Variants in LOC400499 observed in about 807,000 individuals in gnomAD.
chr16:11,519,976 T>G, the LOC400499 span, among the ~76,000 whole-genome samples: 1,179 of 152,236 alleles, frequency 7.7e-3, 25 homozygotes, highest in African/African-American at 0.027. Context: ...GAGCTGGGAT[T>G]ACAGGCATGA....
the LOC400499 span, among the ~76,000 whole-genome samples, chr16:11,450,398 G>A: frequency 3.3e-4 from 50 of 152,258 alleles, no homozygotes; most frequent in African/African-American, 1.1e-3. Flanking sequence ...GAGCAGGGAT[G>A]TGGGAAATCT....
chr16:11,374,962 CCTCAG>C, the LOC400499 span, among the ~76,000 whole-genome samples: 1 of 152,100 alleles, frequency 6.6e-6, no homozygotes. Context: ...GATCCTCATG[CCTCAG>C]CCTCCCAAAT....
the LOC400499 span, among the ~76,000 whole-genome samples, chr16:11,405,794 C>G: frequency 2.0e-5 from 3 of 152,178 alleles, no homozygotes; most frequent in African/African-American, 4.8e-5. Flanking sequence ...GATCTGAAAT[C>G]ATCATTTATT....
chr16:11,515,955 G>A, the LOC400499 span: 5 of 392,776 alleles, frequency 1.3e-5, no homozygotes, highest in Non-Finnish European at 2.2e-5. Context: ...GCCTGAGAAT[G>A]GAGTGATGAG....
the LOC400499 span, chr16:11,402,171 G>A: frequency 7.8e-5 from 31 of 399,114 alleles, no homozygotes; most frequent in Middle Eastern, 6.3e-4. Flanking sequence ...GGGTGGGTGA[G>A]GACACACACA....
the LOC400499 span, among the ~76,000 whole-genome samples, chr16:11,452,201 G>GTTTTTTTTTTT: frequency 3.9e-5 from 3 of 77,186 alleles, no homozygotes; most frequent in Non-Finnish European, 9.3e-5. Context: ...CAGTTTTTTT[G>GTTTTTTTTTTT]TTTGTTTTTT....
the LOC400499 span, among the ~76,000 whole-genome samples, chr16:11,397,887 G>A: frequency 2.6e-5 from 4 of 151,962 alleles, no homozygotes; most frequent in African/African-American, 7.3e-5. Context: ...GCAGATATAC[G>A]GGGATGGATG....
the LOC400499 span, among the ~76,000 whole-genome samples, chr16:11,424,643 G>A: frequency 6.6e-6 from 1 of 152,178 alleles, no homozygotes; most frequent in Non-Finnish European, 1.5e-5. Context: ...GCTCCCCGAG[G>A]AAAGGACACA....
the LOC400499 span, chr16:11,477,788 C>T: frequency 2.5e-6 from 1 of 398,756 alleles, no homozygotes; most frequent in Non-Finnish European, 4.4e-6. Context: ...GATCCCACCA[C>T]CTAACCTGCG....
At chr16:11,462,401 G>T in the LOC400499 span, 2 of 1,368,088 alleles carry the variant, frequency 1.5e-6, no homozygotes, top group South Asian at 1.8e-5. Flanking sequence ...AGACAACATC[G>T]CTAACAACCT....
chr16:11,484,996 G>C, the LOC400499 span: 1 of 399,012 alleles, frequency 2.5e-6, no homozygotes, highest in Non-Finnish European at 4.4e-6. Flanking sequence ...GCTCTCTCCC[G>C]TCTTCCTGAC....
At chr16:11,401,460 T>C in the LOC400499 span, 11,758 of 399,324 alleles carry the variant, frequency 0.029, 791 homozygotes, top group African/African-American at 0.17. Context: ...ACTGCACCTC[T>C]TTCCCACCCG....
At chr16:11,402,693 G>A in the LOC400499 span, among the ~76,000 whole-genome samples, 10 of 152,288 alleles carry the variant, frequency 6.6e-5, no homozygotes, top group South Asian at 1.2e-3. Context: ...CAAGGCCAGC[G>A]GAGCCGCCCG....
the LOC400499 span, among the ~76,000 whole-genome samples, chr16:11,428,322 C>A: frequency 7.5e-3 from 1,138 of 152,234 alleles, 10 homozygotes; most frequent in Middle Eastern, 0.014. Context: ...CAGGCATGTG[C>A]CACCACGCCT....
chr16:11,450,954 G>T, the LOC400499 span: 1 of 763,650 alleles, frequency 1.3e-6, no homozygotes, highest in African/African-American at 1.7e-5. Context: ...AGGCATGAGG[G>T]AACTTTCTAG....
At chr16:11,423,502 G>A in the LOC400499 span, among the ~76,000 whole-genome samples, 1 of 152,236 alleles carries the variant, frequency 6.6e-6, no homozygotes, top group Non-Finnish European at 1.5e-5. Flanking sequence ...GAACCACAGA[G>A]TAACCATGGG....
chr16:11,498,989 G>C, the LOC400499 span, among the ~76,000 whole-genome samples: 1 of 137,828 alleles, frequency 7.3e-6, no homozygotes, highest in Non-Finnish European at 1.5e-5. Context: ...AGGAAGTCCA[G>C]ATGGGTTTGT....
chr16:11,501,099 C>G, the LOC400499 span: 1 of 340,874 alleles, frequency 2.9e-6, no homozygotes, highest in Non-Finnish European at 5.0e-6. Context: ...TTGGGAGGGG[C>G]TGACCCGGGT....
the LOC400499 span, among the ~76,000 whole-genome samples, chr16:11,491,016 T>C: frequency 3.3e-5 from 5 of 152,368 alleles, no homozygotes; most frequent in African/African-American, 1.2e-4. Context: ...GCACTTACTA[T>C]GCTTTCTAAA....
Sources: allele counts gnomAD v4.1 joint callset (sites outside exome capture counted in the v4.1 genomes callset), GRCh38; gene constraint gnomAD v4.1.1; transcripts MANE v1.5.